Variants in ROBO2 observed in about 807,000 individuals in gnomAD.
The protein encoded by ROBO2 is roundabout guidance receptor 2.
A neutral mutation model predicts 160.8 loss-of-function variants in ROBO2; 53 were observed. That is an observed-to-expected ratio of 0.33 (90% CI 0.26 to 0.41). ROBO2 has a LOEUF of 0.41. ROBO2 is among the 10% of genes least tolerant of loss of function. The pLI, the probability that ROBO2 is intolerant of heterozygous loss-of-function variation, is 1.00. For synonymous variants in ROBO2, 664 were observed against 611.7 expected, an observed-to-expected ratio of 1.09 and a Z score of -1.26; for missense variants, 1,577 against 1,722.4, an observed-to-expected ratio of 0.92 and a Z score of 1.49.
chr3:76,474,415 A>T (rs1213953040), intron 2 of ROBO2, among the ~76,000 whole-genome samples: 1 of 152,126 alleles, frequency 6.6e-6, no homozygotes, highest in African/African-American at 2.4e-5. Context: ...TACACATTTT[A>T]AATAATAGAA....
At chr3:76,923,210 A>G (rs530848295) in intron 2 of ROBO2, among the ~76,000 whole-genome samples, 56 of 152,178 alleles carry the variant, frequency 3.7e-4, no homozygotes, top group Non-Finnish European at 7.1e-4. Flanking sequence ...TATCAAAAAT[A>G]TGAATCATTG....
At chr3:77,045,751 A>G (rs367607427) in intron 1 of ROBO2, among the ~76,000 whole-genome samples, 53 of 152,226 alleles carry the variant, frequency 3.5e-4, no homozygotes, top group African/African-American at 1.2e-3. Flanking sequence ...CCCAAGAAAG[A>G]AACTATGTAG....
intron 2 of ROBO2, among the ~76,000 whole-genome samples, chr3:75,967,462 T>C (rs1398566771): frequency 6.6e-6 from 1 of 151,612 alleles, no homozygotes; most frequent in East Asian, 2.0e-4. Flanking sequence ...AGGATTACTA[T>C]ATATTAATGC....
At chr3:76,109,076 G>C (rs1559558320) in intron 2 of ROBO2, among the ~76,000 whole-genome samples, 1 of 151,686 alleles carries the variant, frequency 6.6e-6, no homozygotes, top group Non-Finnish European at 1.5e-5. Context: ...TGCTGCTACT[G>C]GTTTTTAAAT....
intron 2 of ROBO2, among the ~76,000 whole-genome samples, chr3:76,101,286 A>T (rs2108166155): frequency 6.6e-6 from 1 of 152,276 alleles, no homozygotes; most frequent in East Asian, 1.9e-4. Context: ...AAATTGAGAT[A>T]ACAACTAGGT....
At chr3:76,532,785 G>A (rs1302513542) in intron 2 of ROBO2, among the ~76,000 whole-genome samples, 1 of 152,122 alleles carries the variant, frequency 6.6e-6, no homozygotes, top group Admixed American at 6.6e-5. Context: ...ATAATCCTGA[G>A]GAAGAAAGCC....
chr3:76,192,854 C>A (rs7644554), intron 2 of ROBO2, among the ~76,000 whole-genome samples: 1 of 152,094 alleles, frequency 6.6e-6, no homozygotes, highest in Admixed American at 6.6e-5. Context: ...GCCAAGTGTT[C>A]ACAAGAGCTG....
At position 76,959,389 on chromosome 3, in the gene ROBO2, T is replaced by A. The variant is rs994946094; in HGVS notation, c.110-138625T>A. 2.0e-5 allele frequency among the ~76,000 whole-genome samples: 3 copies of A among 152,204 alleles called. No individual in the cohort carries two copies. In the East Asian group the frequency reaches 5.8e-4, roughly 29 times the overall value. ...TATATCCTCTGGCAAAATTCGGAAC[T>A]GTCTACTACTTTGGTGCAAACTAAT... On this transcript the variant is annotated intron_variant, in intron 2 of 26. Transcript: ENST00000487694.
chr3:77,237,286 C>A (rs772516495), intron 2 of ROBO2, among the ~76,000 whole-genome samples: 5 of 150,402 alleles, frequency 3.3e-5, no homozygotes, highest in Non-Finnish European at 5.9e-5. Context: ...ACTGCAGTCT[C>A]AACTTCCCAG....
intron 2 of ROBO2, among the ~76,000 whole-genome samples, chr3:76,516,403 A>G (rs904202273): frequency 3.3e-5 from 5 of 152,104 alleles, no homozygotes; most frequent in Admixed American, 2.6e-4. Flanking sequence ...CAAAGTTTTC[A>G]TTAGTCTCTT....
chr3:76,174,831 G>T (rs779106935), intron 2 of ROBO2, among the ~76,000 whole-genome samples: 8 of 152,104 alleles, frequency 5.3e-5, no homozygotes, highest in Non-Finnish European at 7.4e-5. Flanking sequence ...GCTTAGGATT[G>T]TCTTGGCTAT....
At chr3:77,274,384 A>G (rs1452799615) in intron 2 of ROBO2, among the ~76,000 whole-genome samples, 1 of 152,116 alleles carries the variant, frequency 6.6e-6, no homozygotes, top group Non-Finnish European at 1.5e-5. Context: ...TTAAAATTAC[A>G]CTTGTACATA....
intron 2 of ROBO2, among the ~76,000 whole-genome samples, chr3:76,542,628 A>C (rs2082880673): frequency 6.6e-6 from 1 of 152,160 alleles, no homozygotes; most frequent in African/African-American, 2.4e-5. Flanking sequence ...ACCAGCTTTC[A>C]TGGACTAGAT....
At position 76,923,631 on chromosome 3, in the gene ROBO2, G is replaced by T. The variant is rs1263802671; in HGVS notation, c.110-174383G>T. Among the ~76,000 whole-genome samples the T allele has an allele frequency of 3.3e-5, 5 of 152,324 alleles. No individual in the cohort carries two copies. The South Asian group carries it at 8.3e-4, about 25-fold the overall frequency. ...TTGGCCAAGCTCATTGGCCAGGAAT[G>T]AGGGAAAAGAGCAAGTAACTATTGG... On this transcript the variant is annotated intron_variant, in intron 2 of 26. Coordinates refer to the ROBO2 transcript ENST00000487694.
At chr3:76,034,964 A>G (rs767677302) in intron 2 of ROBO2, among the ~76,000 whole-genome samples, 2 of 152,024 alleles carry the variant, frequency 1.3e-5, no homozygotes, top group East Asian at 1.9e-4. Context: ...CCCACCTCCC[A>G]GAAAACTTGG....
At chr3:76,928,235 G>A (rs2077105418) in intron 2 of ROBO2, among the ~76,000 whole-genome samples, 1 of 152,040 alleles carries the variant, frequency 6.6e-6, no homozygotes, top group South Asian at 2.1e-4. Context: ...CCACAAAATG[G>A]GAGTGGACTC....
chr3:76,061,885 C>T (rs2068081752), intron 2 of ROBO2, among the ~76,000 whole-genome samples: 1 of 152,156 alleles, frequency 6.6e-6, no homozygotes, highest in East Asian at 1.9e-4. Flanking sequence ...GGGCCACCCG[C>T]ATTCTTTGGC....
At chr3:76,946,895 T>C (rs78634189) in intron 2 of ROBO2, among the ~76,000 whole-genome samples, 1,672 of 152,348 alleles carry the variant, frequency 0.011, 15 homozygotes, top group African/African-American at 0.037. Flanking sequence ...AAGATAGGGC[T>C]AATTTTATTT....
At chr3:76,726,589 GT>G (rs2093556852) in intron 2 of ROBO2, among the ~76,000 whole-genome samples, 1 of 151,892 alleles carries the variant, frequency 6.6e-6, no homozygotes, top group South Asian at 2.1e-4. Context: ...ACTCTGTAAG[GT>G]CCCAAGTGTG....
Sources: gnomAD v4.1 joint callset for allele counts (sites outside exome capture counted in the v4.1 genomes callset) on GRCh38, gnomAD v4.1.1 for gene constraint, MANE v1.5 for transcripts, NCBI Gene and HGNC (gene_info 2026-07-23, HGNC 2026-07-21) for gene names.